MED15: variants seen among roughly 807,000 people sequenced by gnomAD.
The protein encoded by MED15 is mediator of RNA polymerase II transcription subunit 15.
In MED15, 41 loss-of-function variants were observed where a neutral mutation model predicts 118.7. The observed-to-expected ratio is 0.35, with a 90% CI of 0.27 to 0.45. The LOEUF (loss-of-function observed/expected upper bound fraction) is 0.45, where lower values mean the gene tolerates loss of function less well. Ranked by LOEUF, MED15 falls within the 20% of genes least tolerant of loss-of-function variation. The probability of loss-of-function intolerance (pLI) is 1.00; values close to 1 mark genes in which losing one functional copy is unlikely to be tolerated. For synonymous variants in MED15, 436 were observed against 413.9 expected (o/e 1.05, Z -0.65); for missense variants, 740 against 1,025.5 (o/e 0.72, Z 3.80).
At chr22:20,510,867 G>A (rs2054039377) in intron 1 of MED15, among the ~76,000 whole-genome samples, 1 of 152,134 alleles carries the variant, frequency 6.6e-6, no homozygotes, top group Non-Finnish European at 1.5e-5. Context: ...GACATGTAAT[G>A]TAGCATATTC....
intron 1 of MED15, among the ~76,000 whole-genome samples, chr22:20,511,691 C>T (rs2054068741): frequency 6.6e-6 from 1 of 151,902 alleles, no homozygotes; most frequent in Non-Finnish European, 1.5e-5. Context: ...CAGGGACTCT[C>T]CAGTTCAGCC....
chr22:20,512,904 G>A (rs2054123183), intron 1 of MED15, among the ~76,000 whole-genome samples: 1 of 151,726 alleles, frequency 6.6e-6, no homozygotes, highest in Non-Finnish European at 1.5e-5. Context: ...ACCAGGCCCA[G>A]CTAATTTTTG....
chr22:20,572,785 C>T (rs182724001), intron 8 of MED15, among the ~76,000 whole-genome samples: 2 of 152,170 alleles, frequency 1.3e-5, no homozygotes, highest in African/African-American at 4.8e-5. Flanking sequence ...GTTAGCTGGG[C>T]GGAGTGGTGC....
chr22:20,577,357 C>T (rs1450761060), intron 9 of MED15, among the ~76,000 whole-genome samples: 2 of 152,066 alleles, frequency 1.3e-5, no homozygotes, highest in Admixed American at 6.6e-5. Flanking sequence ...ACTCCCCACA[C>T]CCAGCTGCTG....
chr22:20,513,540 G>A (rs2054152856), intron 1 of MED15, among the ~76,000 whole-genome samples: 1 of 152,200 alleles, frequency 6.6e-6, no homozygotes, highest in Non-Finnish European at 1.5e-5. Flanking sequence ...GCCTCCCAAA[G>A]TGTTGGGATT....
intron 2 of MED15, among the ~76,000 whole-genome samples, chr22:20,538,324 G>A (rs1341857880): frequency 6.6e-6 from 1 of 151,768 alleles, no homozygotes; most frequent in Non-Finnish European, 1.5e-5. Flanking sequence ...ATCTCAGCCT[G>A]CTGCAGCCTC....
chr22:20,520,209 A>G lies in MED15; in HGVS notation c.68+12463A>G, dbSNP rs151076628. Among the ~76,000 whole-genome samples, 23 of 152,292 alleles carry G rather than the reference A, an allele frequency of 1.5e-4. No homozygotes were observed. In the East Asian group the frequency reaches 4.2e-3, roughly 28 times the overall value. ...GTTGGTGGGCTCTGGGGGCTGGGTGAAAGCAGTGCTTGTAGGTTAAGAAGT... is the reference window on the plus strand; with the variant it reads ...GTTGGTGGGCTCTGGGGGCTGGGTGGAAGCAGTGCTTGTAGGTTAAGAAGT... On this transcript the variant is annotated intron_variant, in intron 1 of 17. Coordinates refer to ENST00000263205, the MANE Select transcript of MED15 (RefSeq NM_001003891.3).
intron 2 of MED15, among the ~76,000 whole-genome samples, chr22:20,547,638 T>C (rs1281803827): frequency 1.3e-5 from 2 of 151,464 alleles, no homozygotes; most frequent in Non-Finnish European, 2.9e-5. Context: ...GCTAACACAG[T>C]GAAACCCCGT....
intron 8 of MED15, chr22:20,574,101 C>T (rs1355044037): frequency 2.0e-5 from 3 of 152,256 alleles, no homozygotes; most frequent in African/African-American, 7.2e-5. Context: ...TGGCACCTGT[C>T]GCTGCCTGCA....
chr22:20,576,628 G>A (rs770652222), intron 9 of MED15, among the ~76,000 whole-genome samples: 41 of 152,392 alleles, frequency 2.7e-4, no homozygotes, highest in Admixed American at 7.2e-4. Flanking sequence ...ACAGCGGGAG[G>A]AAGTGCCTGG....
rs916226187 is a variant in MED15, at chr22:20,507,799, T to C, written c.68+53T>C. 379 of 1,610,014 alleles carry C rather than the reference T, an allele frequency of 2.4e-4. 2 individuals are homozygous for C. The highest frequency in any genetic ancestry group is 4.9e-5 in the Non-Finnish European group (58 of 1,177,914). On this transcript the variant is annotated intron_variant, in intron 1 of 17. Transcript: ENST00000263205. The stretch of plus-strand genomic sequence containing the variant: ...GATTGTGGGACCTTCCTCCTTAGCG[T>C]GGCGGGCGAGGCCAGGGCCGGACCC...
Position 20,564,642 on chromosome 22 carries a change from A to G in MED15, c.644A>G (p.Gln215Arg). 1 of 1,613,894 alleles carries G rather than the reference A, an allele frequency of 6.2e-7. No homozygotes were observed. The highest frequency in any genetic ancestry group is 8.5e-7 in the Non-Finnish European group (1 of 1,179,858). The change falls in exon 6 of 18, where the codon CAG (glutamine) becomes CGG (arginine). Residue 215 changes from glutamine to arginine, a missense_variant. Gln to Arg is a conservative substitution (Grantham distance 43). Coordinates refer to ENST00000263205, the MANE Select transcript of MED15 (RefSeq NM_001003891.3). ...QQQQQLQQQQQQQQHLIKLHH... is the reference protein window; with the variant it reads ...QQQQQLQQQQRQQQHLIKLHH... ...CAGCAGCAGCTCCAGCAGCAGCAGC[A>G]GCAGCAGCAGCATCTAATTAAATTG...
chr22:20,551,650 C>G, intron 3 of MED15, 163 bp downstream of exon 3: 1 of 691,404 alleles, frequency 1.4e-6, no homozygotes, highest in East Asian at 2.5e-5. Context: ...CATTTGACTC[C>G]AGATCCCTCC....
intron 5 of MED15, among the ~76,000 whole-genome samples, chr22:20,563,089 T>C (rs1202187285): frequency 6.6e-6 from 1 of 152,108 alleles, no homozygotes; most frequent in Non-Finnish European, 1.5e-5. Context: ...AGTGACAGCC[T>C]CAAGTGTTGG....
In MED15 at chr22:20,585,812, G is replaced by A. The variant is rs748602057; in HGVS notation, c.2216G>A (p.Arg739Gln). 1.1e-5 allele frequency: 18 copies of A among 1,612,970 alleles called. No individual in the cohort carries two copies. Among genetic ancestry groups the A allele is most frequent in the South Asian group, 6.6e-5 (6 of 91,080 alleles). Residue 739 changes from arginine (R) to glutamine (Q), a missense_variant, in exon 17 of 18, where the codon CGG becomes CAG. Physicochemically the swap from Arg to Gln is conservative, Grantham distance 43. Transcript: ENST00000263205. ...GCCCAAAGCCCGCTGTGGATAGACC[G>A]GCAGTGGCAGTACGGTAGGTAGACC... ...YPAQSPLWIDRQWQYDANPFL... is the reference protein window; with the variant it reads ...YPAQSPLWIDQQWQYDANPFL...
At chr22:20,585,417 G>A (rs1007077095) in intron 16 of MED15, 150 bp downstream of exon 16, 7 of 1,084,314 alleles carry the variant, frequency 6.5e-6, no homozygotes, top group South Asian at 4.7e-5. Context: ...CACACACACC[G>A]GGCTCCAGAC....
chr22:20,545,270 A>G (rs141628702), intron 2 of MED15, among the ~76,000 whole-genome samples: 7 of 152,226 alleles, frequency 4.6e-5, no homozygotes, highest in African/African-American at 1.4e-4. Context: ...CTTGAGGCCA[A>G]GAGTTTGAGA....
chr22:20,550,354 C>A lies in MED15; in HGVS notation c.157-1082C>A, dbSNP rs558359807. ...ATCCCAGCTTTTCCTCTCCCCTGGG[C>A]CTTTCTTCTTCATGTTGTCCTGTGC... On this transcript the variant is annotated intron_variant, in intron 2 of 17. Transcript: ENST00000263205. Among the ~76,000 whole-genome samples the A allele has an allele frequency of 1.2e-4, 19 of 152,298 alleles. No individual in the cohort carries two copies. The East Asian group carries it at 3.7e-3, about 29-fold the overall frequency.
rs977981573 is a variant in MED15 at position 20,507,610 on chromosome 22, G to A, written c.-69G>A. On this transcript the variant is annotated 5_prime_UTR_variant, in exon 1 of 18. Coordinates refer to ENST00000263205, the MANE Select transcript of MED15 (RefSeq NM_001003891.3). ...GCGGACGGCTTCCGGGTTTGGGCCT[G>A]GCTCTGTGACTGAGGCGGCGGCGGT... is the stretch of plus-strand genomic sequence containing the variant. The A allele has an allele frequency of 2.5e-6, 4 of 1,596,926 alleles. No homozygotes were observed. The African/African-American group carries it at 5.4e-5, about 21-fold the overall frequency.
Sources: gnomAD v4.1 joint callset for allele counts (sites outside exome capture counted in the v4.1 genomes callset) on GRCh38, gnomAD v4.1.1 for gene constraint, MANE v1.5 for transcripts, NCBI Gene and HGNC (gene_info 2026-07-23, HGNC 2026-07-21) for gene names.